The following USP48 variants were observed in gnomAD, a reference collection of about 807,000 sequenced individuals.
The protein encoded by USP48 is ubiquitin carboxyl-terminal hydrolase 48.
In USP48, 43 loss-of-function variants were observed where a neutral mutation model predicts 150.7. The ratio of observed to expected loss-of-function variants is 0.29; its 90% CI spans 0.22 to 0.37. The LOEUF is 0.37. USP48 is among the 10% of genes least tolerant of loss of function. The probability of loss-of-function intolerance (pLI) is 1.00; values close to 1 mark genes in which losing one functional copy is unlikely to be tolerated. For missense variants in USP48, 813 were observed against 1,249.6 expected, an observed-to-expected ratio of 0.65 and a Z score of 5.27; for synonymous variants, 396 against 425.9, an observed-to-expected ratio of 0.93 and a Z score of 0.86.
intron 22 of USP48, 88 bp from the exon 23 acceptor site, chr1:21,695,309 G>A: frequency 1.4e-6 from 2 of 1,391,878 alleles, no homozygotes; most frequent in Non-Finnish European, 1.9e-6. Flanking sequence ...AACAAAAGCT[G>A]TTTCCTTATT....
At chr1:21,708,933 A>G (rs1180727842) in intron 15 of USP48, among the ~76,000 whole-genome samples, 1 of 145,456 alleles carries the variant, frequency 6.9e-6, no homozygotes, top group Admixed American at 7.0e-5. Flanking sequence ...AAAAGAAAAC[A>G]GAGTCTCATT....
intron 1 of USP48, 139 bp from the exon 2 acceptor site, chr1:21,757,922 G>T: frequency 8.9e-7 from 1 of 1,117,560 alleles, no homozygotes; most frequent in Non-Finnish European, 1.2e-6. Context: ...CAGTTTGTGA[G>T]GGTGTGGAGA....
chr1:21,763,617 C>T (rs2097855111), intron 1 of USP48, among the ~76,000 whole-genome samples: 1 of 152,214 alleles, frequency 6.6e-6, no homozygotes, highest in African/African-American at 2.4e-5. Context: ...AGTTCGAGAC[C>T]AGCCTGGCTG....
intron 9 of USP48, among the ~76,000 whole-genome samples, chr1:21,733,947 C>T (rs751279682): frequency 4.6e-5 from 7 of 152,138 alleles, no homozygotes; most frequent in East Asian, 3.9e-4. Context: ...TAAGCCACCT[C>T]GCTCAACCCA....
intron 14 of USP48, among the ~76,000 whole-genome samples, chr1:21,719,567 A>G (rs1453657933): frequency 1.3e-5 from 2 of 152,230 alleles, no homozygotes; most frequent in Non-Finnish European, 2.9e-5. Flanking sequence ...CCTGGGCAAC[A>G]TAGTGAGGCC....
In USP48 at chr1:21,749,595, A is replaced by T. The variant is rs539215431; in HGVS notation, c.775-1324T>A. Among the ~76,000 whole-genome samples the T allele has an allele frequency of 1.1e-4, 17 of 151,170 alleles. No homozygotes were observed. The East Asian group carries it at 2.1e-3, about 19-fold the overall frequency. On this transcript the variant is annotated intron_variant, in intron 6 of 26. Transcript: ENST00000308271. The stretch of plus-strand genomic sequence containing the variant: ...CATCCAGTCTGCAAATTAAAAAAAA[A>T]TTTTTTTTTCATTATTTTATTTTTA...
rs10127962 is a variant in USP48, at chr1:21,724,256, C to T, written c.1451-161G>A. ...GATGTTTGATGAGTACGACACAAAG[C>T]TCCAGTTAAGTGCCACTCCTATGAG... On this transcript the variant is annotated intron_variant, in intron 11 of 26. Transcript: ENST00000308271. 6.0e-3 allele frequency: 4,394 copies of T among 726,492 alleles called. 140 individuals are homozygous for T. The African/African-American group carries it at 0.068, about 11-fold the overall frequency. 45.0% of individuals were successfully genotyped at this position (726,492 alleles called of 1,614,324 possible).
At position 21,736,348 on chromosome 1, in the gene USP48, T is replaced by G. The variant is rs193121397; in HGVS notation, c.1171+98A>C. 20 of 1,214,112 alleles carry G rather than the reference T, an allele frequency of 1.6e-5. No homozygotes were observed. The East Asian group carries it at 4.0e-4, about 24-fold the overall frequency. The allele number at this position is 1,214,112 out of a possible 1,614,324, so 75.2% of individuals were successfully genotyped here. A position where few individuals can be genotyped will look rare whatever the true frequency, so the allele number is the denominator to read the frequency against. ...AGAAATGCAAATATCCTTGATAGTC[T>G]GTAACATAACAATCTTGAGCCATAA... On this transcript the variant is annotated intron_variant, in intron 9 of 26. Transcript: ENST00000308271.
chr1:21,723,766 T>C (rs1295359723), intron 12 of USP48, 132 bp downstream of exon 12: 3 of 775,870 alleles, frequency 3.9e-6, no homozygotes, highest in African/African-American at 1.8e-5. Flanking sequence ...AGCAAATCCT[T>C]TGTGCAAAGT....
At chr1:21,712,745 C>T (rs2152531143) in intron 15 of USP48, among the ~76,000 whole-genome samples, 1 of 151,314 alleles carries the variant, frequency 6.6e-6, no homozygotes, top group South Asian at 2.1e-4. Context: ...TCTCCTGGGT[C>T]AGCCTCCCGA....
chr1:21,727,942 T>G (rs558437569), intron 11 of USP48: 101 of 985,120 alleles, frequency 1.0e-4, no homozygotes, highest in Non-Finnish European at 1.2e-4. Context: ...GTCTTTAAAA[T>G]GACAAAGATA....
chr1:21,763,225 T>C (rs1398981107), intron 1 of USP48, among the ~76,000 whole-genome samples: 1 of 152,218 alleles, frequency 6.6e-6, no homozygotes, highest in Non-Finnish European at 1.5e-5. Flanking sequence ...CTTAAATTAA[T>C]TGCTTGCTAG....
At chr1:21,713,859 G>A (rs2097697060) in intron 15 of USP48, among the ~76,000 whole-genome samples, 1 of 152,196 alleles carries the variant, frequency 6.6e-6, no homozygotes, top group South Asian at 2.1e-4. Flanking sequence ...CAGATAGGGT[G>A]ATACGATGGA....
chr1:21,711,693 C>T (rs182408706), intron 15 of USP48, among the ~76,000 whole-genome samples: 10 of 152,244 alleles, frequency 6.6e-5, no homozygotes, highest in Admixed American at 2.6e-4. Flanking sequence ...GCTGGGGCTC[C>T]GAACTAGTGA....
intron 11 of USP48, 105 bp from the exon 12 acceptor site, chr1:21,724,200 G>A: frequency 8.7e-7 from 1 of 1,145,434 alleles, no homozygotes; most frequent in Non-Finnish European, 1.3e-6. Context: ...TCCAGAGTTA[G>A]CAGAATCAGA....
intron 9 of USP48, chr1:21,732,875 A>G (rs905372229): frequency 6.5e-6 from 1 of 154,570 alleles, no homozygotes; most frequent in Non-Finnish European, 1.4e-5. Context: ...AGTATTCATT[A>G]TGTCATAAAT....
At chr1:21,764,436 C>T in intron 1 of USP48, among the ~76,000 whole-genome samples, 1 of 143,904 alleles carries the variant, frequency 6.9e-6, no homozygotes, top group East Asian at 2.0e-4. Flanking sequence ...GAGACCCTGT[C>T]TCCAAAAAAA....
chr1:21,775,527 C>T (rs6701829), intron 1 of USP48, among the ~76,000 whole-genome samples: 149,856 of 152,334 alleles, frequency 0.98, 73,745 homozygotes, highest in Non-Finnish European at 1. Context: ...AGTGTTGGGA[C>T]TACAGGCGTA....
At chr1:21,693,752 G>A (rs908882312) in intron 23 of USP48, among the ~76,000 whole-genome samples, 8 of 152,196 alleles carry the variant, frequency 5.3e-5, no homozygotes, top group African/African-American at 1.9e-4. Flanking sequence ...AGGTTTCTTA[G>A]ATGTAAAAGG....
Sources: allele counts gnomAD v4.1 joint callset (sites outside exome capture counted in the v4.1 genomes callset), GRCh38; gene constraint gnomAD v4.1.1; transcripts MANE v1.5; gene names NCBI Gene and HGNC (gene_info 2026-07-23, HGNC 2026-07-21).